The following BRF1 variants were observed in gnomAD, a reference collection of about 807,000 sequenced individuals.
BRF1 encodes the protein BRF1 general transcription factor IIIB subunit.
Under a neutral mutation model 81.7 loss-of-function variants are expected in BRF1, and 59 were observed. The ratio of observed to expected loss-of-function variants is 0.72; its 90% CI spans 0.59 to 0.90. The LOEUF (loss-of-function observed/expected upper bound fraction) is 0.90, where lower values mean the gene tolerates loss of function less well. Among genes scored for constraint, BRF1 ranks in the 40% least tolerant of loss-of-function variants. The pLI is 0.00. For synonymous variants in BRF1, 491 were observed against 395.6 expected (o/e 1.24, Z -2.86); for missense variants, 1,050 against 936.3 (o/e 1.12, Z -1.58).
intron 16 of BRF1, 181 bp from the exon 17 acceptor site, chr14:105,211,474 A>G (rs1200160963): frequency 8.5e-6 from 5 of 590,006 alleles, no homozygotes; most frequent in Non-Finnish European, 1.5e-5. Flanking sequence ...GGGCTGTGCC[A>G]TGAGCTGTGT....
At chr14:105,218,602 C>A (rs587677391) in intron 14 of BRF1, among the ~76,000 whole-genome samples, 4 of 152,234 alleles carry the variant, frequency 2.6e-5, no homozygotes, top group Admixed American at 6.5e-5. Flanking sequence ...AGAGAGTAAG[C>A]TGGCAGAGCA....
intron 4 of BRF1, 56 bp downstream of exon 4, chr14:105,256,462 A>T: frequency 6.2e-7 from 1 of 1,613,968 alleles, no homozygotes; most frequent in South Asian, 1.1e-5. Context: ...AACCCTGGTC[A>T]CAACCCCCAG....
chr14:105,210,452 G>A lies in BRF1; in HGVS notation c.*99C>T. ...GGTGCCACCTGTCACCAGGAGTCTC[G>A]GCGCTGGGGCCTGCCTGCTGCGGTC... is the stretch of plus-strand genomic sequence containing the variant. On this transcript the variant is annotated 3_prime_UTR_variant, in exon 18 of 18. Coordinates refer to ENST00000547530, the MANE Select transcript of BRF1 (RefSeq NM_001519.4). The surrounding 1 kb of genome is among the most constrained non-coding windows in gnomAD (Gnocchi z 4.7). 5.0e-6 allele frequency: 7 copies of A among 1,395,330 alleles called. No individual in the cohort carries two copies. Among genetic ancestry groups the A allele is most frequent in the South Asian group, 4.9e-5 (4 of 81,314 alleles). The allele number at this position is 1,395,330 out of a possible 1,614,324, so 86.4% of individuals were successfully genotyped here.
intron 3 of BRF1, among the ~76,000 whole-genome samples, chr14:105,261,824 C>A (rs1356915052): frequency 1.3e-5 from 2 of 152,230 alleles, no homozygotes; most frequent in Non-Finnish European, 2.9e-5. Flanking sequence ...GACTGCGGCG[C>A]CCACACGGCG....
At chr14:105,220,347 A>C (rs1445281365) in intron 11 of BRF1, among the ~76,000 whole-genome samples, 1 of 152,202 alleles carries the variant, frequency 6.6e-6, no homozygotes, top group Admixed American at 6.5e-5. Context: ...CAGAACACTG[A>C]ACTGAAGCTG....
chr14:105,216,166 C>T (rs954185253), intron 15 of BRF1, among the ~76,000 whole-genome samples: 6 of 152,206 alleles, frequency 3.9e-5, no homozygotes, highest in Admixed American at 6.5e-5. Flanking sequence ...TGTATACACA[C>T]ACAGAGAGAC....
At chr14:105,245,242 T>C (rs587753612) in intron 5 of BRF1, among the ~76,000 whole-genome samples, 2 of 152,182 alleles carry the variant, frequency 1.3e-5, no homozygotes, top group Admixed American at 1.3e-4. Context: ...GTGCCTGTAA[T>C]CCCAGCTACT....
At chr14:105,298,378 G>A (rs965704615) in intron 1 of BRF1, among the ~76,000 whole-genome samples, 2 of 152,182 alleles carry the variant, frequency 1.3e-5, no homozygotes, top group African/African-American at 2.4e-5. Flanking sequence ...AAAGGAAAAC[G>A]GCACCTGATC....
chr14:105,286,745 A>G (rs1402199429), intron 1 of BRF1, among the ~76,000 whole-genome samples: 1 of 152,168 alleles, frequency 6.6e-6, no homozygotes, highest in African/African-American at 2.4e-5. Flanking sequence ...AGCTGGGACT[A>G]TAGGTGCCCG....
intron 5 of BRF1, 115 bp from the exon 6 acceptor site, chr14:105,241,529 C>G: frequency 1.5e-6 from 2 of 1,353,216 alleles, no homozygotes; most frequent in Non-Finnish European, 2.0e-6. Flanking sequence ...GCCCCCAGGC[C>G]CCCCACCAGT....
At chr14:105,220,199 G>A in intron 11 of BRF1, 69 bp from the exon 12 acceptor site, 5 of 1,575,990 alleles carry the variant, frequency 3.2e-6, no homozygotes, top group Non-Finnish European at 4.3e-6. Flanking sequence ...CCACCACCTG[G>A]GCTGGCTCAG....
At chr14:105,253,580 C>T (rs587700380) in intron 4 of BRF1, among the ~76,000 whole-genome samples, 3 of 152,334 alleles carry the variant, frequency 2.0e-5, no homozygotes, top group East Asian at 1.9e-4. Flanking sequence ...CCTAAGGGAC[C>T]GCACACAAAG....
chr14:105,294,169 G>A (rs587605188), intron 1 of BRF1, among the ~76,000 whole-genome samples: 2 of 152,142 alleles, frequency 1.3e-5, no homozygotes, highest in South Asian at 2.1e-4. Context: ...CCCCACTCTC[G>A]GCCCAGGCAC....
chr14:105,255,916 C>G (rs587748833), intron 4 of BRF1, among the ~76,000 whole-genome samples: 1 of 152,088 alleles, frequency 6.6e-6, no homozygotes, highest in Non-Finnish European at 1.5e-5. Context: ...TGCTTGAGCT[C>G]AGGAGTTCAA....
rs375165522 is a variant in BRF1, at chr14:105,246,844, T to C, written c.545-5430A>G. ...ATTATTCACATGCTCCACACCACCA[T>C]GCAGATCAAGACGCTGACTACCTCT... On this transcript the variant is annotated intron_variant, in intron 5 of 17. Coordinates refer to ENST00000547530, the MANE Select transcript of BRF1 (RefSeq NM_001519.4). 5.3e-4 allele frequency: 518 copies of C among 985,538 alleles called. 3 individuals carry two copies. The African/African-American group carries it at 8.6e-3, about 16-fold the overall frequency. 61.0% of individuals were successfully genotyped at this position (985,538 alleles called of 1,614,324 possible).
intron 1 of BRF1, among the ~76,000 whole-genome samples, chr14:105,295,566 G>T (rs2057701701): frequency 6.6e-6 from 1 of 151,852 alleles, no homozygotes; most frequent in Admixed American, 6.6e-5. Context: ...CATGACCACT[G>T]CACTCCAGCC....
rs768822287 is a variant in BRF1 at position 105,241,275 on chromosome 14, G to A, written c.684C>T (p.Leu228=). The change falls in exon 6 of 18, where the codon CTC becomes CTT. Residue 228 remains leucine (L), a synonymous_variant. Coordinates refer to ENST00000547530, the MANE Select transcript of BRF1 (RefSeq NM_001519.4). The stretch of plus-strand genomic sequence containing the variant: ...CAGGGCCCGCTGTACCTGCTCCGCA[G>A]AGGCCCGAGGGGCGCCGGCCTGTGT... ...WMHTGRRPSG[L]CGAALLVAAR... 1 of 1,611,852 alleles carries A rather than the reference G, an allele frequency of 6.2e-7. No homozygotes were observed. The highest frequency in any genetic ancestry group is 8.5e-7 in the Non-Finnish European group (1 of 1,179,766).
At chr14:105,268,886 C>G (rs1009840210) in intron 3 of BRF1, among the ~76,000 whole-genome samples, 1 of 152,116 alleles carries the variant, frequency 6.6e-6, no homozygotes, top group East Asian at 1.9e-4. Context: ...AGCCCTGTCT[C>G]GGAGAAGAGA....
At chr14:105,270,141 G>A (rs1277651004) in intron 3 of BRF1, among the ~76,000 whole-genome samples, 1 of 151,356 alleles carries the variant, frequency 6.6e-6, no homozygotes, top group Admixed American at 6.6e-5. Flanking sequence ...ACACTTTTAC[G>A]CAGAAATGAC....
Sources: allele counts gnomAD v4.1 joint callset (sites outside exome capture counted in the v4.1 genomes callset), GRCh38; gene constraint gnomAD v4.1.1; non-coding constraint Gnocchi (gnomAD v3.1); transcripts MANE v1.5; gene names NCBI Gene and HGNC (gene_info 2026-07-23, HGNC 2026-07-21).